The following BAHCC1 variants were observed in gnomAD, a reference collection of about 807,000 sequenced individuals.
BAHCC1 encodes the protein BAH domain and coiled-coil containing 1.
Under a neutral mutation model 88.2 loss-of-function variants are expected in BAHCC1, and 43 were observed. That is an observed-to-expected ratio of 0.49 (90% CI 0.38 to 0.63). The LOEUF (loss-of-function observed/expected upper bound fraction) is 0.63, where lower values mean the gene tolerates loss of function less well. Among genes scored for constraint, BAHCC1 ranks in the 20% least tolerant of loss-of-function variants. The pLI, the probability that BAHCC1 is intolerant of heterozygous loss-of-function variation, is 0.00. For synonymous variants in BAHCC1, 1,510 were observed against 745.5 expected (o/e 2.03, Z -16.71); for missense variants, 3,023 against 1,654.8 (o/e 1.83, Z -14.34).
intron 11 of BAHCC1, among the ~76,000 whole-genome samples, chr17:81,449,272 C>A (rs782657564): frequency 3.3e-5 from 5 of 152,248 alleles, no homozygotes; most frequent in Middle Eastern, 6.8e-3. Context: ...CCTCATGGTC[C>A]CCCCCTGGGC....
chr17:81,435,906 C>T lies in BAHCC1; in HGVS notation c.359-2464C>T, dbSNP rs1359017760. ...CTGGCTTCTGGCCTCAGAACAGCTG[C>T]TCTGATTCATAAAAATCATTTTTAA... is the stretch of plus-strand genomic sequence containing the variant. On this transcript the variant is annotated intron_variant, in intron 3 of 27. Coordinates refer to ENST00000675386, the MANE Select transcript of BAHCC1 (RefSeq NM_001377448.1). The surrounding 1 kb of genome is among the most constrained non-coding windows in gnomAD (Gnocchi z 4.4). 6.6e-6 allele frequency among the ~76,000 whole-genome samples: 1 copy of T among 152,218 alleles called. No individual in the cohort carries two copies. Among genetic ancestry groups the T allele is most frequent in the Non-Finnish European group, 1.5e-5 (1 of 68,038 alleles).
intron 2 of BAHCC1, among the ~76,000 whole-genome samples, chr17:81,425,491 TGG>T (rs1406822404): frequency 1.7e-5 from 1 of 60,430 alleles, no homozygotes. Context: ...ATGTGGTTGG[TGG>T]GTGATGTGGT....
chr17:81,435,440 G>T lies in BAHCC1; in HGVS notation c.359-2930G>T. 2.1e-6 allele frequency: 1 copy of T among 470,412 alleles called. No homozygotes were observed. The allele number at this position is 470,412 out of a possible 1,614,324, so 29.1% of individuals were successfully genotyped here. The stretch of plus-strand genomic sequence containing the variant: ...AGGGCTCTTCCCCACGCTCCACCAG[G>T]CTCCGAGGGCACCAGCAGCCTGTGT... On this transcript the variant is annotated intron_variant, in intron 3 of 27. Transcript: ENST00000675386. The surrounding 1 kb of genome is among the most constrained non-coding windows in gnomAD (Gnocchi z 4.4).
At chr17:81,396,101 T>A (rs1555644875) in intron 1 of BAHCC1, 6 of 152,200 alleles carry the variant, frequency 3.9e-5, no homozygotes. Flanking sequence ...TTCGCTCCCC[T>A]ACCCTGCTCC....
rs1488654381 is a variant in BAHCC1, at chr17:81,464,796, G to A, written c.*979G>A. 1 of 152,476 alleles carries A rather than the reference G, an allele frequency of 6.6e-6. No individual in the cohort carries two copies. Among genetic ancestry groups the A allele is most frequent in the Non-Finnish European group, 1.5e-5 (1 of 68,042 alleles). 9.4% of individuals were successfully genotyped at this position (152,476 alleles called of 1,614,324 possible). A position where few individuals can be genotyped will look rare whatever the true frequency, so the allele number is the denominator to read the frequency against. The stretch of plus-strand genomic sequence containing the variant: ...CCAAGGAGTCTGGCCTCCACCCAGA[G>A]CAGGGAGGGGCTGGCCCCTCGCCCC... On this transcript the variant is annotated 3_prime_UTR_variant, in exon 28 of 28. Coordinates refer to ENST00000675386, the MANE Select transcript of BAHCC1 (RefSeq NM_001377448.1).
intron 2 of BAHCC1, among the ~76,000 whole-genome samples, chr17:81,418,324 G>T (rs1330632021): frequency 2.6e-5 from 4 of 152,188 alleles, no homozygotes; most frequent in Non-Finnish European, 4.4e-5. Flanking sequence ...GGGGAGCTGG[G>T]CCTGGCCACG....
chr17:81,459,538 G>C lies in BAHCC1; in HGVS notation c.5839G>C (p.Gly1947Arg), dbSNP rs782622236. Residue 1947 changes from glycine to arginine, a missense_variant, in exon 23 of 28, where the codon GGC becomes CGC. By Grantham distance (125) the Gly-to-Arg change is moderately radical. Transcript: ENST00000675386. ...ACAGTCCAGCCGGTACCTCCCGCCC[G>C]GCACGCGGGTCTGCGCCTACTGGAG... ...RPQSSRYLPP[G>R]TRVCAYWSQK... The C allele has an allele frequency of 2.6e-6, 2 of 779,648 alleles. No homozygotes were observed. Among genetic ancestry groups the C allele is most frequent in the Non-Finnish European group, 4.8e-6 (2 of 417,878 alleles). The allele number at this position is 779,648 out of a possible 1,614,324, so 48.3% of individuals were successfully genotyped here.
At chr17:81,444,924 G>C (rs1238207264) in intron 8 of BAHCC1, 91 bp from the exon 9 acceptor site, 1 of 685,600 alleles carries the variant, frequency 1.5e-6, no homozygotes, top group South Asian at 1.5e-5. Flanking sequence ...GGAGCGGTGG[G>C]CTTGGTGGGC....
rs376358163 is a variant in BAHCC1 at position 81,443,449 on chromosome 17, G to A, written c.2100G>A (p.Gln700=). 1.5e-4 allele frequency: 112 copies of A among 741,072 alleles called. No homozygotes were observed. The African/African-American group carries it at 1.7e-3, about 11-fold the overall frequency. The allele number at this position is 741,072 out of a possible 1,614,324, so 45.9% of individuals were successfully genotyped here. ...CGCACGGCGACGGGGAGGTGCGGCA[G>A]CCCCCTGTGGGCATTGCAGTGGCCT... ...DTTHGDGEVR[Q]PPVGIAVALA... is the part of the protein sequence containing the mutation. The change falls in exon 5 of 28, where the codon CAG becomes CAA. Residue 700 remains glutamine (Q), a synonymous_variant. Coordinates refer to ENST00000675386, the MANE Select transcript of BAHCC1 (RefSeq NM_001377448.1).
chr17:81,425,705 G>T (rs1262282660), intron 2 of BAHCC1, among the ~76,000 whole-genome samples: 1 of 149,480 alleles, frequency 6.7e-6, no homozygotes, highest in African/African-American at 2.5e-5. Context: ...GATGTGGTTG[G>T]TGGTGATAGT....
chr17:81,453,596 C>G (rs1025967606), intron 14 of BAHCC1, among the ~76,000 whole-genome samples: 4 of 151,958 alleles, frequency 2.6e-5, no homozygotes, highest in Admixed American at 2.6e-4. Flanking sequence ...TGGCTGCCCC[C>G]CCCCAGAGCT....
chr17:81,427,292 G>A (rs1467647776), intron 3 of BAHCC1, among the ~76,000 whole-genome samples: 10 of 152,254 alleles, frequency 6.6e-5, no homozygotes, highest in East Asian at 1.9e-4. Context: ...CAGCTGGGCC[G>A]GCCGGGCTGG....
chr17:81,408,916 G>A (rs1047785572), intron 2 of BAHCC1, among the ~76,000 whole-genome samples: 3 of 152,166 alleles, frequency 2.0e-5, no homozygotes, highest in Non-Finnish European at 2.9e-5. Flanking sequence ...ACTGGCCTCC[G>A]TCTCCTGCCC....
In BAHCC1 at chr17:81,399,939, G is replaced by A; in HGVS notation, c.178+22G>A. ...ACAGGTCAGTGCTCGGCCGGGGCGG[G>A]CGCGGGACGGGAGCGTTCGAGAGCG... On this transcript the variant is annotated intron_variant, in intron 2 of 27. Transcript: ENST00000675386. The surrounding 1 kb of genome is among the most constrained non-coding windows in gnomAD (Gnocchi z 4.5). 7.5e-7 allele frequency: 1 copy of A among 1,340,156 alleles called. No homozygotes were observed. The highest frequency in any genetic ancestry group is 1.9e-5 in the South Asian group (1 of 53,482). The allele number at this position is 1,340,156 out of a possible 1,614,324, so 83.0% of individuals were successfully genotyped here.
chr17:81,432,586 T>TCCAGCCCTGGACCCAACCTCCGTCC (rs1472673596), intron 3 of BAHCC1, among the ~76,000 whole-genome samples: 3 of 17,000 alleles, frequency 1.8e-4, no homozygotes, highest in Non-Finnish European at 3.4e-4. Context: ...CACCCTCCCC[T>TCCAGCCCTGGACCCAACCTCCGTCC]CCAGCCCTGG....
At chr17:81,426,195 G>A (rs1384410407) in intron 2 of BAHCC1, among the ~76,000 whole-genome samples, 3 of 111,166 alleles carry the variant, frequency 2.7e-5, no homozygotes, top group East Asian at 2.2e-4. Context: ...GGTTGGTGGT[G>A]ATGTGGTTGG....
intron 6 of BAHCC1, 34 bp downstream of exon 6, chr17:81,443,951 G>T: frequency 1.4e-6 from 1 of 704,128 alleles, no homozygotes. Context: ...GGAGAGTGGG[G>T]CTAGGCCTGG....
chr17:81,421,454 G>A (rs527310321), intron 2 of BAHCC1, among the ~76,000 whole-genome samples: 9 of 152,362 alleles, frequency 5.9e-5, no homozygotes, highest in African/African-American at 1.7e-4. Context: ...GCTCTGTCCT[G>A]GGGTTTCCCG....
intron 4 of BAHCC1, among the ~76,000 whole-genome samples, chr17:81,440,063 C>G (rs1838984201): frequency 6.6e-6 from 1 of 152,168 alleles, no homozygotes; most frequent in Admixed American, 6.5e-5. Flanking sequence ...CACCACCAGC[C>G]CCACCCAGGG....
Sources: allele counts gnomAD v4.1 joint callset (sites outside exome capture counted in the v4.1 genomes callset), GRCh38; gene constraint gnomAD v4.1.1; non-coding constraint Gnocchi (gnomAD v3.1); transcripts MANE v1.5; gene names NCBI Gene and HGNC (gene_info 2026-07-23, HGNC 2026-07-21).